ECSCR: variants seen among roughly 807,000 people sequenced by gnomAD.
ECSCR encodes the protein endothelial cell surface expressed chemotaxis and apoptosis regulator, also known as endothelial cell-specific chemotaxis regulator.
ECSCR carries 12 observed loss-of-function variants against 16.7 expected under a neutral mutation model. The ratio of observed to expected loss-of-function variants is 0.72; its 90% CI spans 0.46 to 1.17. The LOEUF (loss-of-function observed/expected upper bound fraction) is 1.17, where lower values mean the gene tolerates loss of function less well. Among genes scored for constraint, ECSCR ranks in the 50% most tolerant of loss-of-function variants. The pLI is 0.00. For missense variants in ECSCR, 122 were observed against 116.1 expected (o/e 1.05, Z -0.23); for synonymous variants, 44 against 42.2 (o/e 1.04, Z -0.17).
intron 4 of ECSCR, among the ~76,000 whole-genome samples, chr5:139,457,089 C>T (rs937491595): frequency 3.0e-4 from 46 of 152,336 alleles, no homozygotes; most frequent in Admixed American, 1.4e-3. Context: ...GGGCCTTGGC[C>T]GGCATGTGCA....
intron 8 of ECSCR, 133 bp downstream of exon 8, chr5:139,454,459 AGGTGTGTGGG>A: frequency 1.5e-5 from 5 of 332,040 alleles, no homozygotes; most frequent in Non-Finnish European, 2.5e-5. Context: ...GGTGGGTTTG[AGGTGTGTGGG>A]GGTGTGTGTG....
chr5:139,458,165 G>T lies in ECSCR; in HGVS notation c.80C>A (p.Thr27Lys). Residue 27 changes from threonine to lysine, a missense_variant, in exon 2 of 10, where the codon ACA becomes AAA. Thr to Lys is a moderately conservative substitution (Grantham distance 78). Coordinates refer to ENST00000618155, the MANE Select transcript of ECSCR (RefSeq NM_001077693.4). ...CTGAGAGCTAGAGGTCTGGGTCATTGTGGGCTGGGAGTTGTGGCCTGCAAG... is the reference window on the plus strand; with the variant it reads ...CTGAGAGCTAGAGGTCTGGGTCATTTTGGGCTGGGAGTTGTGGCCTGCAAG... ...LLFRGHNSQP[T>K]MTQTSSSQGG... The T allele has an allele frequency of 6.5e-7, 1 of 1,549,754 alleles. No homozygotes were observed. Among genetic ancestry groups the T allele is most frequent in the South Asian group, 1.2e-5 (1 of 83,970 alleles).
intron 2 of ECSCR, 109 bp downstream of exon 2, chr5:139,458,030 C>A: frequency 7.7e-7 from 1 of 1,306,110 alleles, no homozygotes; most frequent in Non-Finnish European, 1.1e-6. Flanking sequence ...CCCGCTCCAG[C>A]TGCGGCCCCA....
intron 1 of ECSCR, among the ~76,000 whole-genome samples, chr5:139,458,533 A>C (rs1426641452): frequency 2.2e-5 from 3 of 134,344 alleles, no homozygotes; most frequent in Non-Finnish European, 3.2e-5. Flanking sequence ...AAAAAAAAAA[A>C]GAAAGAAAAA....
intron 1 of ECSCR, among the ~76,000 whole-genome samples, chr5:139,459,831 T>C (rs941530691): frequency 6.6e-6 from 1 of 152,260 alleles, no homozygotes; most frequent in Non-Finnish European, 1.5e-5. Flanking sequence ...GCTGCTCTGC[T>C]TATTTTCCTT....
chr5:139,451,671 A>G (rs1751052120), intron 8 of ECSCR, among the ~76,000 whole-genome samples: 1 of 113,342 alleles, frequency 8.8e-6, no homozygotes, highest in African/African-American at 3.5e-5. Flanking sequence ...TATGTTGGGT[A>G]TGGGGTGTGG....
chr5:139,451,422 G>A (rs1175363989), intron 8 of ECSCR, among the ~76,000 whole-genome samples: 1 of 150,368 alleles, frequency 6.7e-6, no homozygotes, highest in African/African-American at 2.5e-5. Flanking sequence ...TTGGGTGTGT[G>A]GTGTGTGTGT....
At chr5:139,457,895 C>T (rs1346306442) in intron 2 of ECSCR, 88 bp from the exon 3 acceptor site, 3 of 1,418,730 alleles carry the variant, frequency 2.1e-6, no homozygotes, top group African/African-American at 1.4e-5. Context: ...GTGTCTTTCT[C>T]CCTACCCCAT....
At position 139,458,139 on chromosome 5, in the gene ECSCR, C is replaced by T; in HGVS notation, c.106G>A (p.Gly36Arg). The change falls in exon 2 of 10, where the codon GGA becomes AGA. Residue 36 changes from glycine (G) to arginine (R), a missense_variant and splice_region_variant. By Grantham distance (125) the Gly-to-Arg change is moderately radical. Transcript: ENST00000618155. ...PTMTQTSSSQ[G>R]GLGGLSLTTE... ...AGTAGACCCATGTGTTTGGTCTTAC[C>T]CTGAGAGCTAGAGGTCTGGGTCATT... The T allele has an allele frequency of 6.5e-7, 1 of 1,549,602 alleles. No individual in the cohort carries two copies. Among genetic ancestry groups the T allele is most frequent in the African/African-American group, 1.4e-5 (1 of 73,018 alleles).
chr5:139,455,177 G>C (rs1751128532), intron 6 of ECSCR, 146 bp downstream of exon 6: 5 of 244,626 alleles, frequency 2.0e-5, no homozygotes, highest in East Asian at 1.3e-4. Flanking sequence ...GAGGGCAGGG[G>C]CCCCCCTCCA....
At chr5:139,462,564 A>G in intron 1 of ECSCR, 46 bp downstream of exon 1, 1 of 1,554,624 alleles carries the variant, frequency 6.4e-7, no homozygotes, top group Non-Finnish European at 8.7e-7. Flanking sequence ...TAGAATGGCC[A>G]GCTGCGGAGA....
At chr5:139,450,242 C>T (rs1157934704) in intron 8 of ECSCR, among the ~76,000 whole-genome samples, 1 of 152,128 alleles carries the variant, frequency 6.6e-6, no homozygotes, top group East Asian at 1.9e-4. Flanking sequence ...TCGGCTTACA[C>T]CTATAATCCC....
chr5:139,461,456 G>A (rs887018757), intron 1 of ECSCR, among the ~76,000 whole-genome samples: 8 of 152,154 alleles, frequency 5.3e-5, no homozygotes, highest in African/African-American at 1.4e-4. Flanking sequence ...AACTCGGGGC[G>A]GGTGACAGCA....
At position 139,451,368 on chromosome 5, in the gene ECSCR, G is replaced by A. The variant is rs554108722; in HGVS notation, c.513-2194C>T. Among the ~76,000 whole-genome samples, 1,347 of 150,836 alleles carry A rather than the reference G, an allele frequency of 8.9e-3. 22 individuals carry two copies. Among genetic ancestry groups the A allele is most frequent in the African/African-American group, 0.031 (1,269 of 41,022 alleles). On this transcript the variant is annotated intron_variant, in intron 8 of 9. Transcript: ENST00000618155. Reference sequence around the variant, plus strand: ...TATGTATAATATGGGGTACATATGTGTTTTTTATGTGGTGTGTGGGTTTGT... The same window carrying A: ...TATGTATAATATGGGGTACATATGTATTTTTTATGTGGTGTGTGGGTTTGT...
At chr5:139,451,489 T>C (rs1350433945) in intron 8 of ECSCR, among the ~76,000 whole-genome samples, 3 of 144,974 alleles carry the variant, frequency 2.1e-5, no homozygotes, top group African/African-American at 5.2e-5. Flanking sequence ...ATGTGTGTGG[T>C]TTGGGTGGGT....
chr5:139,449,187 G>A lies in ECSCR; in HGVS notation c.513-13C>T. On this transcript the variant is annotated splice_polypyrimidine_tract_variant and intron_variant, in intron 8 of 9. Coordinates refer to ENST00000618155, the MANE Select transcript of ECSCR (RefSeq NM_001077693.4). ...GGCTGTGGAGCAGCTGGGGGAGGAA[G>A]GGGGTCTGGGTTAAAGAGAGGAGGA... 1 of 1,534,694 alleles carries A rather than the reference G, an allele frequency of 6.5e-7. No individual in the cohort carries two copies. Among genetic ancestry groups the A allele is most frequent in the Non-Finnish European group, 8.7e-7 (1 of 1,144,600 alleles).
intron 1 of ECSCR, among the ~76,000 whole-genome samples, chr5:139,461,885 C>T (rs1751312924): frequency 6.6e-6 from 1 of 152,072 alleles, no homozygotes; most frequent in South Asian, 2.1e-4. Flanking sequence ...GAAGTTGCTG[C>T]CCTGTGAGTC....
At chr5:139,453,763 GGT>G (rs1288791111) in intron 8 of ECSCR, among the ~76,000 whole-genome samples, 16 of 148,294 alleles carry the variant, frequency 1.1e-4, no homozygotes, top group African/African-American at 1.7e-4. Context: ...GTGTGTTTGT[GGT>G]GTGTGTGTGT....
intron 8 of ECSCR, among the ~76,000 whole-genome samples, chr5:139,451,391 TGTG>T (rs1751045189): frequency 6.6e-6 from 1 of 150,656 alleles, no homozygotes; most frequent in African/African-American, 2.4e-5. Flanking sequence ...TGTGTGGGTT[TGTG>T]GTGTGTGTGT....
Sources: gnomAD v4.1 joint callset for allele counts (sites outside exome capture counted in the v4.1 genomes callset) on GRCh38, gnomAD v4.1.1 for gene constraint, MANE v1.5 for transcripts, NCBI Gene and HGNC (gene_info 2026-07-23, HGNC 2026-07-21) for gene names.